Variants in RBFOX1 observed in about 807,000 individuals in gnomAD.
RBFOX1 encodes the protein RNA binding protein fox-1 homolog 1.
A neutral mutation model predicts 57.7 loss-of-function variants in RBFOX1; 8 were observed. The ratio of observed to expected loss-of-function variants is 0.14; its 90% CI spans 0.08 to 0.25. RBFOX1 has a LOEUF of 0.25. Among genes scored for constraint, RBFOX1 ranks in the 10% least tolerant of loss-of-function variants. The pLI, the probability that RBFOX1 is intolerant of heterozygous loss-of-function variation, is 1.00. For synonymous variants in RBFOX1, 326 were observed against 222.4 expected (o/e 1.47, Z -4.15); for missense variants, 611 against 548.5 (o/e 1.11, Z -1.14).
intron 5 of RBFOX1, among the ~76,000 whole-genome samples, chr16:7,567,511 C>G (rs1446137416): frequency 1.6e-5 from 2 of 123,074 alleles, no homozygotes; most frequent in Non-Finnish European, 3.4e-5. Context: ...CTATGTATGG[C>G]CCTATATATA....
intron 2 of RBFOX1, among the ~76,000 whole-genome samples, chr16:6,583,171 T>A (rs2097561379): frequency 6.6e-6 from 1 of 152,190 alleles, no homozygotes; most frequent in South Asian, 2.1e-4. Context: ...CATTTCTTGG[T>A]TGCTTCAGCA....
chr16:6,613,928 A>T (rs2098107519), intron 2 of RBFOX1, among the ~76,000 whole-genome samples: 1 of 152,134 alleles, frequency 6.6e-6, no homozygotes, highest in South Asian at 2.1e-4. Context: ...ACAGAGTGTG[A>T]CTCAGTCTCC....
chr16:6,390,480 T>G (rs2152931666), intron 2 of RBFOX1, among the ~76,000 whole-genome samples: 1 of 152,068 alleles, frequency 6.6e-6, no homozygotes, highest in South Asian at 2.1e-4. Flanking sequence ...TGTTTGTTTC[T>G]GGGAATAAAA....
chr16:5,548,378 T>G (rs1190485477), intron 2 of RBFOX1, among the ~76,000 whole-genome samples: 1 of 150,992 alleles, frequency 6.6e-6, no homozygotes, highest in South Asian at 2.1e-4. Flanking sequence ...GAATCTAAAA[T>G]AAAAGTTGCA....
intron 1 of RBFOX1, among the ~76,000 whole-genome samples, chr16:5,289,776 C>G (rs2063489028): frequency 6.6e-6 from 1 of 152,214 alleles, no homozygotes; most frequent in African/African-American, 2.4e-5. Flanking sequence ...AGAGGGAGCT[C>G]AGTCTCTCAG....
chr16:7,433,827 A>G (rs894305642), intron 4 of RBFOX1, among the ~76,000 whole-genome samples: 4 of 144,708 alleles, frequency 2.8e-5, no homozygotes, highest in Non-Finnish European at 4.4e-5. Context: ...AAAAATACTT[A>G]TTTAACACCT....
intron 4 of RBFOX1, among the ~76,000 whole-genome samples, chr16:5,992,029 A>G (rs1214937942): frequency 6.6e-6 from 1 of 152,210 alleles, no homozygotes; most frequent in Non-Finnish European, 1.5e-5. Flanking sequence ...AAATGCATAT[A>G]CATTTTACAC....
In RBFOX1 at chr16:6,722,012, C is replaced by A. The variant is rs576419200; in HGVS notation, c.-16+67362C>A. ...TACAGCATGTATCAAAATTTCCTTC[C>A]TATTTAAGGTTAAATGGTATTTCCT... On this transcript the variant is annotated intron_variant, in intron 3 of 15. Transcript: ENST00000550418. 10 of 152,660 alleles carry A rather than the reference C, an allele frequency of 6.6e-5. No individual in the cohort carries two copies. In the South Asian group the frequency reaches 1.9e-3, roughly 28 times the overall value. 9.5% of individuals were successfully genotyped at this position (152,660 alleles called of 1,614,324 possible). A position where few individuals can be genotyped will look rare whatever the true frequency, so the allele number is the denominator to read the frequency against.
chr16:7,172,175 G>C (rs771442534), intron 4 of RBFOX1, among the ~76,000 whole-genome samples: 5 of 152,100 alleles, frequency 3.3e-5, no homozygotes, highest in African/African-American at 4.8e-5. Context: ...TGGAATTAAA[G>C]TGCATTGGAA....
intron 3 of RBFOX1, among the ~76,000 whole-genome samples, chr16:6,877,006 A>T (rs1400896210): frequency 6.6e-6 from 1 of 152,214 alleles, no homozygotes; most frequent in Admixed American, 6.5e-5. Context: ...CAACAAATGC[A>T]TACTATATTT....
intron 3 of RBFOX1, among the ~76,000 whole-genome samples, chr16:6,659,172 C>G (rs1339133147): frequency 1.3e-5 from 2 of 151,914 alleles, no homozygotes; most frequent in Non-Finnish European, 2.9e-5. Flanking sequence ...GACTGAGATT[C>G]AGGTGATGAG....
At chr16:6,636,843 AAT>A (rs558778826) in intron 2 of RBFOX1, among the ~76,000 whole-genome samples, 5 of 119,162 alleles carry the variant, frequency 4.2e-5, no homozygotes, top group African/African-American at 1.4e-4. Context: ...TATAATATAT[AAT>A]ATATATAATA....
chr16:6,876,381 C>A lies in RBFOX1; in HGVS notation c.-15-175676C>A, dbSNP rs369060250. On this transcript the variant is annotated intron_variant, in intron 3 of 15. Transcript: ENST00000550418. ...AAATAATATTAATACCATCCAACCC[C>A]TGAAATGAGCCTATGTTCTATGAAG... Among the ~76,000 whole-genome samples, 4 of 151,918 alleles carry A rather than the reference C, an allele frequency of 2.6e-5. No individual in the cohort carries two copies. In the South Asian group the frequency reaches 8.3e-4, roughly 32 times the overall value.
At chr16:5,239,813 G>C (rs1047972977), upstream of RBFOX1, 1,361 of 815,628 alleles carry the variant, frequency 1.7e-3, 1 homozygote, top group East Asian at 0.029. Flanking sequence ...GCGCTCAGAC[G>C]CCCCAGCTCC....
chr16:7,698,946 C>A (rs933260178), intron 14 of RBFOX1, among the ~76,000 whole-genome samples: 3 of 152,152 alleles, frequency 2.0e-5, no homozygotes, highest in African/African-American at 7.2e-5. Flanking sequence ...TGGGAAAGTG[C>A]TGTATCCATG....
intron 5 of RBFOX1, among the ~76,000 whole-genome samples, chr16:7,567,998 A>C (rs1314460780): frequency 6.6e-6 from 1 of 151,884 alleles, no homozygotes; most frequent in Non-Finnish European, 1.5e-5. Flanking sequence ...AATTTATTTC[A>C]TTTAAAAATA....
chr16:5,447,971 G>A (rs1317965136), intron 1 of RBFOX1, among the ~76,000 whole-genome samples: 1 of 152,326 alleles, frequency 6.6e-6, no homozygotes, highest in South Asian at 2.1e-4. Context: ...AGCCAATGGA[G>A]TGGGTCGTTC....
At chr16:6,232,626 A>C (rs970174307) in intron 1 of RBFOX1, among the ~76,000 whole-genome samples, 8 of 152,158 alleles carry the variant, frequency 5.3e-5, no homozygotes, top group African/African-American at 1.2e-4. Context: ...CTATAGTGTG[A>C]GCTTTAGAAA....
At chr16:6,557,002 TATACATATATATAC>T in intron 2 of RBFOX1, among the ~76,000 whole-genome samples, 1 of 42,488 alleles carries the variant, frequency 2.4e-5, no homozygotes, top group Middle Eastern at 0.013. Flanking sequence ...CATACATATA[TATACATATATATAC>T]ATATATATAC....
Sources: gnomAD v4.1 joint callset for allele counts (sites outside exome capture counted in the v4.1 genomes callset) on GRCh38, gnomAD v4.1.1 for gene constraint, MANE v1.5 for transcripts, NCBI Gene and HGNC (gene_info 2026-07-23, HGNC 2026-07-21) for gene names.